PSG4: variants seen among roughly 807,000 people sequenced by gnomAD.
The protein encoded by PSG4 is pregnancy-specific beta-1-glycoprotein 4.
Under a neutral mutation model 44.3 loss-of-function variants are expected in PSG4, and 61 were observed. The ratio of observed to expected loss-of-function variants is 1.38; its 90% CI spans 1.12 to 1.70. PSG4 has a LOEUF of 1.70. Ranked by LOEUF, PSG4 falls within the 40% of genes most tolerant of loss-of-function variation. PSG4 has a pLI of 0.00. For missense variants in PSG4, 677 were observed against 511.7 expected, an observed-to-expected ratio of 1.32 and a Z score of -3.12; for synonymous variants, 248 against 191.3, an observed-to-expected ratio of 1.30 and a Z score of -2.45.
chr19:43,194,412 G>C lies in PSG4; in HGVS notation c.1171C>G (p.Leu391Val), dbSNP rs371102327. ...IPQITTKHSG[L>V]YACSVRNSAT... ...GAGTTACGAACAGAGCAAGCATAGAGCCCACTATGCTTTGTAGTTATTTGG... is the reference window on the plus strand; with the variant it reads ...GAGTTACGAACAGAGCAAGCATAGACCCCACTATGCTTTGTAGTTATTTGG... Residue 391 changes from leucine to valine, a missense_variant, in exon 5 of 6, where the codon CTC (leucine) becomes GTC (valine). Leu to Val is a conservative substitution (Grantham distance 32, BLOSUM62 1). Transcript: ENST00000405312. The C allele has an allele frequency of 6.2e-7, 1 of 1,612,410 alleles. No individual in the cohort carries two copies. Among genetic ancestry groups the C allele is most frequent in the South Asian group, 1.1e-5 (1 of 91,030 alleles).
At position 43,198,255 on chromosome 19, in the gene PSG4, T is replaced by A. The variant is rs1159685912; in HGVS notation, c.451A>T (p.Ile151Phe). The change falls in exon 3 of 6, where the codon ATC becomes TTC. Residue 151 changes from isoleucine to phenylalanine, a missense_variant. By Grantham distance (21) the Ile-to-Phe change is conservative. Transcript: ENST00000405312. ...CTGGGATTTAAGTTGCTGCTGGAGA[T>A]GGAGGGCTTGGGAGTCTCCACTGTG... The part of the protein sequence containing the change: ...TLHLETPKPS[I>F]SSSNLNPREA... The A allele has an allele frequency of 3.2e-6, 5 of 1,586,650 alleles. No homozygotes were observed. The highest frequency in any genetic ancestry group is 4.3e-6 in the Non-Finnish European group (5 of 1,171,540).
intron 3 of PSG4, among the ~76,000 whole-genome samples, chr19:43,195,691 T>C (rs1398302103): frequency 1.3e-5 from 2 of 151,374 alleles, no homozygotes; most frequent in Non-Finnish European, 2.9e-5. Context: ...GCAGCTTCCA[T>C]TTCAAGGACA....
At chr19:43,194,296 C>T (rs771430889) in intron 5 of PSG4, 44 bp downstream of exon 5, 3 of 1,611,430 alleles carry the variant, frequency 1.9e-6, no homozygotes, top group East Asian at 2.2e-5. Flanking sequence ...GCCAGATAGA[C>T]TCCACCTAAA....
intron 1 of PSG4, among the ~76,000 whole-genome samples, 157 bp downstream of exon 1, chr19:43,205,316 C>T (rs1264970959): frequency 7.0e-6 from 1 of 142,706 alleles, no homozygotes; most frequent in Non-Finnish European, 1.5e-5. Flanking sequence ...ACAGTGTTGG[C>T]CAGACTGATC....
Position 43,204,435 on chromosome 19 carries a change from A to G in PSG4, c.65-184T>C, listed in dbSNP as rs372528035. The G allele has an allele frequency of 4.4e-5, 37 of 846,090 alleles. 2 individuals carry two copies. The highest frequency in any genetic ancestry group is 9.6e-5 in the African/African-American group (5 of 51,952). The allele number at this position is 846,090 out of a possible 1,614,324, so 52.4% of individuals were successfully genotyped here. A position where few individuals can be genotyped will look rare whatever the true frequency, so the allele number is the denominator to read the frequency against. Reference sequence around the variant, plus strand: ...TGTCCTACTGTCCCACTAGGTCAAGATCAGCAGCATGACCCCCATTCCTTC... The same window carrying G: ...TGTCCTACTGTCCCACTAGGTCAAGGTCAGCAGCATGACCCCCATTCCTTC... On this transcript the variant is annotated intron_variant, in intron 1 of 5. Coordinates refer to ENST00000405312, the MANE Select transcript of PSG4 (RefSeq NM_002780.5).
chr19:43,201,516 C>A (rs1967508383), intron 2 of PSG4, among the ~76,000 whole-genome samples: 1 of 145,270 alleles, frequency 6.9e-6, no homozygotes, highest in Non-Finnish European at 1.5e-5. Context: ...ATTCTGGCAA[C>A]CGGCTGACCT....
intron 2 of PSG4, among the ~76,000 whole-genome samples, chr19:43,202,057 T>A (rs763796551): frequency 2.3e-4 from 34 of 145,268 alleles, no homozygotes; most frequent in Non-Finnish European, 3.0e-4. Context: ...CTTTCCTATT[T>A]CCTGGGAGGT....
At chr19:43,196,609 G>A (rs1444721856) in intron 3 of PSG4, 5 of 151,386 alleles carry the variant, frequency 3.3e-5, no homozygotes, top group Non-Finnish European at 5.9e-5. Context: ...GAGGTGATAA[G>A]CCAAAGATAT....
Position 43,205,463 on chromosome 19 carries a change from C to G in PSG4, c.64+10G>C, listed in dbSNP as rs748705316. 6.5e-7 allele frequency: 1 copy of G among 1,535,410 alleles called. No homozygotes were observed. Among genetic ancestry groups the G allele is most frequent in the Non-Finnish European group, 8.8e-7 (1 of 1,133,196 alleles). ...TCCTCCTGTCCTCTCCCAGGAAGTT[C>G]TCTCCTCACCTGTGAGCAGGACCCC... On this transcript the variant is annotated intron_variant, in intron 1 of 5. Coordinates refer to ENST00000405312, the MANE Select transcript of PSG4 (RefSeq NM_002780.5).
chr19:43,197,911 G>C (rs1400025698), intron 3 of PSG4, 86 bp downstream of exon 3: 12 of 1,574,624 alleles, frequency 7.6e-6, no homozygotes, highest in Non-Finnish European at 1.0e-5. Context: ...TCTGTACTTG[G>C]ACCTGAGAGG....
In PSG4 at chr19:43,204,696, C is replaced by CT. The variant is rs1967683903; in HGVS notation, c.65-446_65-445insA. ...TAGATCACTTAGCATGTCTGTCTTC[C>CT]CCCCACGATGACTGTGTGAGCTCCG... On this transcript the variant is annotated intron_variant, in intron 1 of 5. Coordinates refer to ENST00000405312, the MANE Select transcript of PSG4 (RefSeq NM_002780.5). The CT allele has an allele frequency of 4.1e-5, 7 of 171,722 alleles. 1 individual carries two copies. The highest frequency in any genetic ancestry group is 1.3e-4 in the South Asian group (2 of 14,904). 10.6% of individuals were successfully genotyped at this position (171,722 alleles called of 1,614,324 possible). A position where few individuals can be genotyped will look rare whatever the true frequency, so the allele number is the denominator to read the frequency against.
Position 43,203,875 on chromosome 19 carries a change from G to T in PSG4, c.430+11C>A, listed in dbSNP as rs765060741. ...TCCCCCAACACCCAGGGATCATGTG[G>T]AATCACTCACGGTGTAAGGTGAAGG... On this transcript the variant is annotated intron_variant, in intron 2 of 5. Coordinates refer to ENST00000405312, the MANE Select transcript of PSG4 (RefSeq NM_002780.5). 3 of 1,574,634 alleles carry T rather than the reference G, an allele frequency of 1.9e-6. No individual in the cohort carries two copies. The highest frequency in any genetic ancestry group is 2.6e-6 in the Non-Finnish European group (3 of 1,165,908).
chr19:43,196,087 G>T (rs1242324521), intron 3 of PSG4, among the ~76,000 whole-genome samples: 1 of 151,690 alleles, frequency 6.6e-6, no homozygotes, highest in Non-Finnish European at 1.5e-5. Flanking sequence ...ATGGACATTT[G>T]CAAAAGCAGA....
intron 5 of PSG4, chr19:43,193,609 T>C (rs1599763675): frequency 1.7e-5 from 10 of 588,028 alleles, no homozygotes; most frequent in Non-Finnish European, 2.7e-5. Flanking sequence ...CAATAGACCA[T>C]GTAGGCGCTC....
At position 43,195,685 on chromosome 19, in the gene PSG4, C is replaced by T. The variant is rs192430926; in HGVS notation, c.710-412G>A. On this transcript the variant is annotated intron_variant, in intron 3 of 5. Coordinates refer to ENST00000405312, the MANE Select transcript of PSG4 (RefSeq NM_002780.5). ...CCCCCTAGATGAGATTTCTCTGCAG[C>T]TTCCATTTCAAGGACATTCTAGAGA... Among the ~76,000 whole-genome samples the T allele has an allele frequency of 4.4e-4, 67 of 151,538 alleles. 2 individuals carry two copies. The highest frequency in any genetic ancestry group is 6.9e-4 in the Non-Finnish European group (47 of 67,888).
At chr19:43,193,581 T>C (rs1056641525) in intron 5 of PSG4, 193 bp from the exon 6 acceptor site, 4 of 614,614 alleles carry the variant, frequency 6.5e-6, no homozygotes, top group African/African-American at 5.6e-5. Flanking sequence ...ATTCTTTACA[T>C]AAGTGCAGCA....
rs57230870 is a variant in PSG4 at position 43,201,819 on chromosome 19, TTG to T, written c.430+2065_430+2066del. On this transcript the variant is annotated intron_variant, in intron 2 of 5. Transcript: ENST00000405312. ...ACTAGAAACCAACATTTCAATAATT[TTG>T]TGTGTGTGTGTGTGTGTGTGCAGAA... Among the ~76,000 whole-genome samples the T allele has an allele frequency of 1.1e-3, 155 of 139,346 alleles. 12 individuals carry two copies. Among genetic ancestry groups the T allele is most frequent in the African/African-American group, 2.1e-3 (74 of 35,412 alleles). The allele number at this position is 139,346 out of a possible 152,430, so 91.4% of individuals were successfully genotyped here.
Position 43,195,189 on chromosome 19 carries a change from T to C in PSG4, c.794A>G (p.Lys265Arg), listed in dbSNP as rs766210630. Residue 265 changes from lysine to arginine, a missense_variant, in exon 4 of 6, where the codon AAG (lysine) becomes AGG (arginine). Lys to Arg is a conservative substitution (Grantham distance 26). Transcript: ENST00000405312. ...KDVLTFTCEP[K>R]SKNYTYIWWL... is the part of the protein sequence containing the mutation. ...CCAAATGTAGGTGTAGTTCTTACTC[T>C]TAGGTTCACAGGTGAAGGTTAAGAC... The C allele has an allele frequency of 1.2e-6, 2 of 1,610,188 alleles. No homozygotes were observed. The highest frequency in any genetic ancestry group is 1.7e-6 in the Non-Finnish European group (2 of 1,178,894).
intron 1 of PSG4, chr19:43,204,563 C>G (rs760092143): frequency 3.9e-5 from 13 of 333,638 alleles, no homozygotes; most frequent in African/African-American, 1.4e-4. Context: ...TCAGGGCATC[C>G]TTAGACTTCT....
Sources: allele counts gnomAD v4.1 joint callset (sites outside exome capture counted in the v4.1 genomes callset), GRCh38; gene constraint gnomAD v4.1.1; transcripts MANE v1.5; gene names NCBI Gene and HGNC (gene_info 2026-07-23, HGNC 2026-07-21).